The following MAPKAP1 variants were observed in gnomAD, a reference collection of about 807,000 sequenced individuals.
The protein encoded by MAPKAP1 is target of rapamycin complex 2 subunit MAPKAP1.
Under a neutral mutation model 65.7 loss-of-function variants are expected in MAPKAP1, and 20 were observed. The observed-to-expected ratio is 0.30, with a 90% CI of 0.21 to 0.44. The LOEUF (loss-of-function observed/expected upper bound fraction) is 0.44. Ranked by LOEUF, MAPKAP1 falls within the 20% of genes least tolerant of loss-of-function variation. The probability of loss-of-function intolerance (pLI) is 1.00; values close to 1 mark genes in which losing one functional copy is unlikely to be tolerated. For missense variants in MAPKAP1, 423 were observed against 648.0 expected, an observed-to-expected ratio of 0.65 and a Z score of 3.77; for synonymous variants, 222 against 244.3, an observed-to-expected ratio of 0.91 and a Z score of 0.85.
chr9:125,497,603 ATAGAT>A (rs769262891), intron 8 of MAPKAP1, among the ~76,000 whole-genome samples: 24 of 152,260 alleles, frequency 1.6e-4, no homozygotes, highest in Non-Finnish European at 2.4e-4. Flanking sequence ...TCCTTGTGAA[ATAGAT>A]TCATTCACCT....
rs866364515 is a variant in MAPKAP1 at position 125,651,343 on chromosome 9, A to C, written c.498+6308T>G. On this transcript the variant is annotated intron_variant, in intron 4 of 11. Coordinates refer to ENST00000265960, the MANE Select transcript of MAPKAP1 (RefSeq NM_001006617.3). ...ATGTAGGTTGGACGCAGTGGCTCAC[A>C]CCTGTAATCCCAGCACTTTGGGAGG... Among the ~76,000 whole-genome samples the C allele has an allele frequency of 2.0e-4, 31 of 152,218 alleles. 1 individual carries two copies. The highest frequency in any genetic ancestry group is 3.4e-3 in the Middle Eastern group (1 of 294).
rs534211988 is a variant in MAPKAP1 at position 125,533,111 on chromosome 9, C to T, written c.958+9948G>A. On this transcript the variant is annotated intron_variant, in intron 7 of 11. Transcript: ENST00000265960. Reference sequence around the variant, plus strand: ...TGTGTGTATGTGTACGCATACACGCCTGCTTTGGCAGGAAGTGAGGTGGGG... The same window carrying T: ...TGTGTGTATGTGTACGCATACACGCTTGCTTTGGCAGGAAGTGAGGTGGGG... Among the ~76,000 whole-genome samples the T allele has an allele frequency of 4.6e-5, 7 of 152,246 alleles. No individual in the cohort carries two copies. In the South Asian group the frequency reaches 1.5e-3, roughly 32 times the overall value.
intron 4 of MAPKAP1, among the ~76,000 whole-genome samples, chr9:125,622,613 T>C (rs1333494483): frequency 1.3e-5 from 2 of 152,032 alleles, no homozygotes; most frequent in Non-Finnish European, 2.9e-5. Flanking sequence ...GCCTGGCTAA[T>C]TTTTGTATTT....
intron 10 of MAPKAP1, among the ~76,000 whole-genome samples, chr9:125,452,978 C>A (rs1374465679): frequency 6.6e-6 from 1 of 152,166 alleles, no homozygotes; most frequent in South Asian, 2.1e-4. Flanking sequence ...TAAAATAATA[C>A]ACCCATTACA....
intron 7 of MAPKAP1, among the ~76,000 whole-genome samples, chr9:125,523,203 C>G (rs1436211211): frequency 6.6e-6 from 1 of 152,198 alleles, no homozygotes; most frequent in Non-Finnish European, 1.5e-5. Flanking sequence ...CTGCCCAGAA[C>G]CCTGCCCTCA....
intron 5 of MAPKAP1, among the ~76,000 whole-genome samples, chr9:125,580,408 C>T (rs1244837566): frequency 6.6e-6 from 1 of 151,874 alleles, no homozygotes; most frequent in Non-Finnish European, 1.5e-5. Flanking sequence ...AAGCTGGAAA[C>T]CATCATTCTG....
At chr9:125,457,154 A>C (rs1032907758) in intron 10 of MAPKAP1, among the ~76,000 whole-genome samples, 8 of 151,910 alleles carry the variant, frequency 5.3e-5, no homozygotes, top group African/African-American at 9.7e-5. Context: ...ATGCCTGGCT[A>C]ATTTTTGCAT....
intron 10 of MAPKAP1, among the ~76,000 whole-genome samples, chr9:125,463,560 C>A (rs1354748180): frequency 6.6e-6 from 1 of 152,228 alleles, no homozygotes; most frequent in Non-Finnish European, 1.5e-5. Flanking sequence ...AAATATCCAG[C>A]AAGTTCTAGT....
chr9:125,587,345 C>G (rs1191176735), intron 4 of MAPKAP1, among the ~76,000 whole-genome samples: 1 of 152,156 alleles, frequency 6.6e-6, no homozygotes, highest in Non-Finnish European at 1.5e-5. Flanking sequence ...GCAGGGAGAT[C>G]ACTTGAGGTC....
intron 4 of MAPKAP1, among the ~76,000 whole-genome samples, chr9:125,655,812 A>G (rs1834018305): frequency 6.6e-6 from 1 of 152,212 alleles, no homozygotes; most frequent in Non-Finnish European, 1.5e-5. Context: ...ACTGCTCTGC[A>G]CTCACATCCT....
intron 9 of MAPKAP1, among the ~76,000 whole-genome samples, chr9:125,483,128 C>T (rs1186931621): frequency 6.6e-6 from 1 of 152,160 alleles, no homozygotes; most frequent in East Asian, 1.9e-4. Flanking sequence ...TTTACAACTG[C>T]AGGCCCCGTA....
intron 4 of MAPKAP1, among the ~76,000 whole-genome samples, chr9:125,648,598 C>T (rs920498564): frequency 6.6e-6 from 1 of 152,140 alleles, no homozygotes; most frequent in Non-Finnish European, 1.5e-5. Context: ...AACACATGGC[C>T]TAGTAGTCCT....
At chr9:125,537,341 A>T (rs1161653206) in intron 7 of MAPKAP1, among the ~76,000 whole-genome samples, 1 of 152,160 alleles carries the variant, frequency 6.6e-6, no homozygotes, top group Non-Finnish European at 1.5e-5. Flanking sequence ...AATAAAATCT[A>T]CTTTCCAGGG....
In MAPKAP1 at chr9:125,439,592, G is replaced by A. The variant is rs563699335; in HGVS notation, c.1444-580C>T. Among the ~76,000 whole-genome samples the A allele has an allele frequency of 2.0e-5, 3 of 152,320 alleles. No individual in the cohort carries two copies. The highest frequency in any genetic ancestry group is 2.9e-5 in the Non-Finnish European group (2 of 68,020). On this transcript the variant is annotated intron_variant, in intron 11 of 11. Coordinates refer to ENST00000265960, the MANE Select transcript of MAPKAP1 (RefSeq NM_001006617.3). The surrounding 1 kb of genome is among the most constrained non-coding windows in gnomAD (Gnocchi z 4.0). Reference sequence around the variant, plus strand: ...GGGAGGCCAAAGTGGCCTAGGCCACGTGGAAGTCAGGGTGAGAGCTGTGAG... The same window carrying A: ...GGGAGGCCAAAGTGGCCTAGGCCACATGGAAGTCAGGGTGAGAGCTGTGAG...
intron 5 of MAPKAP1, among the ~76,000 whole-genome samples, chr9:125,561,714 T>G (rs1830898660): frequency 6.6e-6 from 1 of 152,206 alleles, no homozygotes; most frequent in African/African-American, 2.4e-5. Flanking sequence ...CGAGTTTCAG[T>G]TTCCACTTCT....
chr9:125,448,605 G>T (rs567381347), intron 10 of MAPKAP1, among the ~76,000 whole-genome samples: 12 of 152,324 alleles, frequency 7.9e-5, no homozygotes, highest in Admixed American at 2.6e-4. Flanking sequence ...AGGTAGGCAA[G>T]TTACCTTTGA....
At chr9:125,548,193 T>C (rs1830483403) in intron 6 of MAPKAP1, among the ~76,000 whole-genome samples, 4 of 152,232 alleles carry the variant, frequency 2.6e-5, no homozygotes, top group Admixed American at 2.6e-4. Flanking sequence ...AAATCCTGTT[T>C]TGGATTCAGA....
At chr9:125,530,186 G>A (rs1829894767) in intron 7 of MAPKAP1, among the ~76,000 whole-genome samples, 1 of 152,062 alleles carries the variant, frequency 6.6e-6, no homozygotes, top group Non-Finnish European at 1.5e-5. Context: ...AATCAGTCTT[G>A]GTAGAGAAGA....
At chr9:125,528,890 C>T (rs1465856286) in intron 7 of MAPKAP1, among the ~76,000 whole-genome samples, 3 of 143,412 alleles carry the variant, frequency 2.1e-5, no homozygotes, top group Non-Finnish European at 4.5e-5. Context: ...ACTAGCAGGG[C>T]GCAGTGGCTC....
Sources: allele counts gnomAD v4.1 joint callset (sites outside exome capture counted in the v4.1 genomes callset), GRCh38; gene constraint gnomAD v4.1.1; non-coding constraint Gnocchi (gnomAD v3.1); transcripts MANE v1.5; gene names NCBI Gene and HGNC (gene_info 2026-07-23, HGNC 2026-07-21).